TAF1: variants seen among roughly 807,000 people sequenced by gnomAD.
TAF1 encodes the protein transcription initiation factor TFIID subunit 1.
A neutral mutation model predicts 138.5 loss-of-function variants in TAF1; 2 were observed. That is an observed-to-expected ratio of 0.01 (90% CI 0.01 to 0.05). The LOEUF is 0.05. TAF1 is among the 10% of genes least tolerant of loss of function. TAF1 has a pLI of 1.00. For missense variants in TAF1, 709 were observed against 1,478.0 expected, an observed-to-expected ratio of 0.48 and a Z score of 8.53; for synonymous variants, 437 against 503.2, an observed-to-expected ratio of 0.87 and a Z score of 1.76.
At chrX:71,504,741 CAAAAAAAAA>C (rs41370846) in intron 13 of TAF1, among the ~76,000 whole-genome samples, 9 of 5,702 alleles carry the variant, frequency 1.6e-3, no homozygotes, top group Admixed American at 2.8e-3. Context: ...GACCCTGTCT[CAAAAAAAAA>C]AAAAAAAAAA....
intron 22 of TAF1, among the ~76,000 whole-genome samples, chrX:71,396,694 A>G (rs1371808372): frequency 1.8e-5 from 2 of 111,598 alleles, no homozygotes; most frequent in Non-Finnish European, 1.9e-5. Flanking sequence ...CCTATAGCAA[A>G]CATGTAGTTC....
intron 13 of TAF1, among the ~76,000 whole-genome samples, chrX:71,510,913 G>A (rs2039718372): frequency 9.0e-6 from 1 of 111,129 alleles, no homozygotes; most frequent in Non-Finnish European, 1.9e-5. Context: ...AGACCAGCCT[G>A]ACCAACATGG....
rs751466640 is a variant in TAF1 at position 71,393,587 on chromosome X, A to G, written c.3227+111A>G. On this transcript the variant is annotated intron_variant, in intron 21 of 37. Transcript: ENST00000423759. Reference sequence around the variant, plus strand: ...TAAAAGTTTGACTACCTAGGTAGTCAGATATCTGACATGTCAGGGTAGTAT... The same window carrying G: ...TAAAAGTTTGACTACCTAGGTAGTCGGATATCTGACATGTCAGGGTAGTAT... The G allele has an allele frequency of 1.9e-5, 18 of 969,193 alleles. No homozygotes were observed. In the East Asian group the frequency reaches 6.0e-4, roughly 32 times the overall value. The allele number at this position is 969,193 out of a possible 1,213,427, so 79.9% of individuals were successfully genotyped here. A position where few individuals can be genotyped will look rare whatever the true frequency, so the allele number is the denominator to read the frequency against.
At chrX:71,482,185 T>C (rs748592072) in intron 13 of TAF1, among the ~76,000 whole-genome samples, 2 of 112,167 alleles carry the variant, frequency 1.8e-5, no homozygotes, top group African/African-American at 3.2e-5. Context: ...CCTTATATCA[T>C]GAAAGCACAA....
intron 28 of TAF1, chrX:71,420,501 A>G: frequency 1.7e-6 from 2 of 1,205,353 alleles, no homozygotes. Context: ...ATCGGCCTCC[A>G]TCTTCTCCTC....
chrX:71,388,158 G>C, intron 15 of TAF1, 79 bp from the exon 16 acceptor site: 3 of 1,150,186 alleles, frequency 2.6e-6, no homozygotes, highest in Non-Finnish European at 3.5e-6. Flanking sequence ...ATACATTAGA[G>C]CTTAGCAAAG....
chrX:71,470,809 A>T (rs1602785359), downstream of TAF1, among the ~76,000 whole-genome samples: 1 of 107,094 alleles, frequency 9.3e-6, no homozygotes, highest in South Asian at 4.3e-4. Flanking sequence ...CTGGCAACAA[A>T]GGGAGAACCA....
At position 71,417,019 on chromosome X, in the gene TAF1, CAA is replaced by C. The variant is rs1277682886; in HGVS notation, c.4385-4271_4385-4270del. ...TGAGTGACAGAGCCAGACCCTGTCTCAAAAAAAAAAAAAAAAAAAATTTCATA... is the reference window on the plus strand; with the variant it reads ...TGAGTGACAGAGCCAGACCCTGTCTCAAAAAAAAAAAAAAAAAATTTCATA... On this transcript the variant is annotated intron_variant, in intron 28 of 37. Transcript: ENST00000423759. Among the ~76,000 whole-genome samples, 212 of 57,618 alleles carry C rather than the reference CAA, an allele frequency of 3.7e-3. 1 individual carries two copies. Among genetic ancestry groups the C allele is most frequent in the African/African-American group, 0.011 (179 of 16,664 alleles). 50.0% of individuals were successfully genotyped at this position (57,618 alleles called of 115,157 possible).
intron 13 of TAF1, among the ~76,000 whole-genome samples, chrX:71,478,179 C>T (rs1400283457): frequency 9.1e-6 from 1 of 110,275 alleles, no homozygotes; most frequent in African/African-American, 3.3e-5. Flanking sequence ...TGGTGAAACC[C>T]TATCTCTACA....
intron 32 of TAF1, among the ~76,000 whole-genome samples, chrX:71,451,427 A>C (rs1477460345): frequency 9.4e-6 from 1 of 106,434 alleles, no homozygotes; most frequent in East Asian, 2.9e-4. Context: ...TTAAATAATT[A>C]TTGTTCATTA....
At chrX:71,388,499 A>G in intron 16 of TAF1, 121 bp downstream of exon 16, 2 of 1,034,033 alleles carry the variant, frequency 1.9e-6, no homozygotes, top group Non-Finnish European at 2.6e-6. Flanking sequence ...GAAAGGAGGT[A>G]GCAGATCTTC....
At chrX:71,434,627 A>G (rs2037051300) in intron 32 of TAF1, among the ~76,000 whole-genome samples, 1 of 112,275 alleles carries the variant, frequency 8.9e-6, no homozygotes, top group Non-Finnish European at 1.9e-5. Flanking sequence ...GTATCAGAGG[A>G]ATTAGTCTTG....
chrX:71,457,464 T>C (rs1224222863), intron 34 of TAF1, among the ~76,000 whole-genome samples: 1 of 112,514 alleles, frequency 8.9e-6, no homozygotes, highest in African/African-American at 3.2e-5. Context: ...CTTTTCACTT[T>C]ACATTATTTT....
chrX:71,434,043 A>G (rs1242695366), intron 32 of TAF1, among the ~76,000 whole-genome samples: 3 of 112,216 alleles, frequency 2.7e-5, no homozygotes, highest in Admixed American at 9.5e-5. Context: ...TCAGCCATAT[A>G]ATATGATCCT....
intron 32 of TAF1, among the ~76,000 whole-genome samples, chrX:71,448,294 C>T (rs2037791312): frequency 9.0e-6 from 1 of 111,724 alleles, no homozygotes; most frequent in African/African-American, 3.3e-5. Flanking sequence ...CTCATTTCTT[C>T]CTAAGCTACA....
intron 8 of TAF1, among the ~76,000 whole-genome samples, chrX:71,381,050 C>T (rs1041382832): frequency 8.9e-6 from 1 of 111,901 alleles, no homozygotes; most frequent in Non-Finnish European, 1.9e-5. Flanking sequence ...ATTCTGCCCA[C>T]TTTATGGGTT....
At chrX:71,504,741 CAAAAA>C (rs41370846) in intron 13 of TAF1, among the ~76,000 whole-genome samples, 1 of 5,702 alleles carries the variant, frequency 1.8e-4, no homozygotes, top group African/African-American at 5.3e-4. Flanking sequence ...GACCCTGTCT[CAAAAA>C]AAAAAAAAAA....
intron 25 of TAF1, among the ~76,000 whole-genome samples, 164 bp from the exon 26 acceptor site, chrX:71,406,474 G>C (rs1007331323): frequency 3.6e-5 from 4 of 110,672 alleles, no homozygotes; most frequent in Admixed American, 9.8e-5. Flanking sequence ...ATGAGGGCTT[G>C]CCTGATCTGA....
chrX:71,434,559 G>A (rs1319158774), intron 32 of TAF1, among the ~76,000 whole-genome samples: 4 of 111,636 alleles, frequency 3.6e-5, no homozygotes, highest in African/African-American at 1.3e-4. Context: ...GGGTCATTAG[G>A]CAAAAACCAG....
Sources: gnomAD v4.1 joint callset for allele counts (sites outside exome capture counted in the v4.1 genomes callset) on GRCh38, gnomAD v4.1.1 for gene constraint, MANE v1.5 for transcripts, NCBI Gene and HGNC (gene_info 2026-07-23, HGNC 2026-07-21) for gene names.